PPARA: variants seen among roughly 807,000 people sequenced by gnomAD.
The protein encoded by PPARA is peroxisome proliferator-activated receptor alpha.
A neutral mutation model predicts 42.2 loss-of-function variants in PPARA; 22 were observed. The ratio of observed to expected loss-of-function variants is 0.52; its 90% CI spans 0.37 to 0.74. The LOEUF is 0.74. Among genes scored for constraint, PPARA ranks in the 30% least tolerant of loss-of-function variants. PPARA has a pLI of 0.00. For synonymous variants in PPARA, 242 were observed against 239.3 expected (o/e 1.01, Z -0.10); for missense variants, 465 against 608.2 (o/e 0.76, Z 2.48).
rs961526010 is a variant in PPARA at position 46,196,886 on chromosome 22, C to A, written c.-42-1456C>A. Among the ~76,000 whole-genome samples, 1 of 151,940 alleles carries A rather than the reference C, an allele frequency of 6.6e-6. No individual in the cohort carries two copies. Among genetic ancestry groups the A allele is most frequent in the Non-Finnish European group, 1.5e-5 (1 of 68,004 alleles). Reference sequence around the variant, plus strand: ...TACAGGTGCCTGCCACCATGCCCAGCTAATTTTTGTATTTTTAGTAGAGAC... The same window carrying A: ...TACAGGTGCCTGCCACCATGCCCAGATAATTTTTGTATTTTTAGTAGAGAC... On this transcript the variant is annotated intron_variant, in intron 3 of 8. Coordinates refer to ENST00000407236, the MANE Select transcript of PPARA (RefSeq NM_005036.6). This position sits in a 1 kb window ranked among gnomAD's most constrained non-coding sequence, Gnocchi z 5.6.
chr22:46,205,094 A>G (rs1226296035), intron 4 of PPARA, among the ~76,000 whole-genome samples: 1 of 151,422 alleles, frequency 6.6e-6, no homozygotes, highest in East Asian at 1.9e-4. Context: ...GAACTCCTGG[A>G]CTCAAGCGAC....
intron 3 of PPARA, among the ~76,000 whole-genome samples, chr22:46,194,249 C>A (rs1009292776): frequency 2.0e-5 from 3 of 152,224 alleles, no homozygotes; most frequent in Non-Finnish European, 2.9e-5. Context: ...AGTATTGCCT[C>A]ACTCTATATA....
intron 3 of PPARA, among the ~76,000 whole-genome samples, chr22:46,178,878 G>A (rs561041862): frequency 6.6e-6 from 1 of 152,184 alleles, no homozygotes; most frequent in Non-Finnish European, 1.5e-5. Context: ...TCAGAATCTC[G>A]GGTGTATACA....
intron 7 of PPARA, among the ~76,000 whole-genome samples, chr22:46,226,117 A>G (rs57215608): frequency 0.087 from 13,261 of 151,952 alleles, 1,949 homozygotes; most frequent in African/African-American, 0.3. Context: ...TTATGCACAC[A>G]TGTACCCACA....
In PPARA at chr22:46,165,693, G is replaced by A. The variant is rs1345132552; in HGVS notation, c.-126-11060G>A. 6.6e-6 allele frequency among the ~76,000 whole-genome samples: 1 copy of A among 152,194 alleles called. No individual in the cohort carries two copies. Among genetic ancestry groups the A allele is most frequent in the East Asian group, 1.9e-4 (1 of 5,202 alleles). On this transcript the variant is annotated intron_variant, in intron 2 of 8. Coordinates refer to ENST00000407236, the MANE Select transcript of PPARA (RefSeq NM_005036.6). The surrounding 1 kb of genome is among the most constrained non-coding windows in gnomAD (Gnocchi z 5.5). ...AGGACTGAAGTCCAGTTCTAGCTAC[G>A]CCCAGTCCTTGAGACTGGATTAAGG...
At position 46,196,146 on chromosome 22, in the gene PPARA, G is replaced by C. The variant is rs1256232815; in HGVS notation, c.-42-2196G>C. ...GTTCAGGAGACTGGGCTTCAATCTG[G>C]AGGTCTCAGGAAGTGGTTTAGGATG... On this transcript the variant is annotated intron_variant, in intron 3 of 8. Transcript: ENST00000407236. The surrounding 1 kb of genome is among the most constrained non-coding windows in gnomAD (Gnocchi z 5.6). Among the ~76,000 whole-genome samples, 1 of 152,214 alleles carries C rather than the reference G, an allele frequency of 6.6e-6. No individual in the cohort carries two copies. The highest frequency in any genetic ancestry group is 1.9e-4 in the East Asian group (1 of 5,200).
chr22:46,185,895 C>A (rs551595789), intron 3 of PPARA, among the ~76,000 whole-genome samples: 4,653 of 19,580 alleles, frequency 0.24, 366 homozygotes, highest in African/African-American at 0.3. Context: ...ACTCCGTCTC[C>A]AAAAAAAAAA....
At chr22:46,159,548 C>T (rs527736288) in intron 2 of PPARA, among the ~76,000 whole-genome samples, 10 of 152,262 alleles carry the variant, frequency 6.6e-5, no homozygotes, top group East Asian at 1.9e-4. Context: ...GTTTAGAACG[C>T]GATTTTCATT....
rs149694585 is a variant in PPARA at position 46,231,884 on chromosome 22, G to A, written c.804G>A (p.Ala268=). ...LVANGIQNKE[A]EVRIFHCCQC... ...CCAATGGCATCCAGAACAAGGAGGC[G>A]GAGGTCCGCATCTTTCACTGCTGCC... Residue 268 remains alanine (A), a synonymous_variant, in exon 8 of 9, where the codon GCG becomes GCA. Coordinates refer to ENST00000407236, the MANE Select transcript of PPARA (RefSeq NM_005036.6). This position sits in a 1 kb window ranked among gnomAD's most constrained non-coding sequence, Gnocchi z 7.7. 153 of 1,614,174 alleles carry A rather than the reference G, an allele frequency of 9.5e-5. 1 individual carries two copies. Among genetic ancestry groups the A allele is most frequent in the Middle Eastern group, 6.6e-4 (4 of 6,062 alleles).
rs1267262023 is a variant in PPARA, at chr22:46,180,849, T to TG, written c.-43+4014dup. On this transcript the variant is annotated intron_variant, in intron 3 of 8. Transcript: ENST00000407236. This position sits in a 1 kb window ranked among gnomAD's most constrained non-coding sequence, Gnocchi z 4.2. The stretch of plus-strand genomic sequence containing the variant: ...TGGCAGATTTTCTGTCTCCCTTGCC[T>TG]GTGGAACTGGAGCCCGGGTCGAGGG... 3.9e-5 allele frequency among the ~76,000 whole-genome samples: 6 copies of TG among 152,208 alleles called. No homozygotes were observed. The highest frequency in any genetic ancestry group is 1.4e-4 in the African/African-American group (6 of 41,466).
At chr22:46,228,271 ACGC>A (rs1935609829) in intron 7 of PPARA, among the ~76,000 whole-genome samples, 1 of 152,174 alleles carries the variant, frequency 6.6e-6, no homozygotes, top group Non-Finnish European at 1.5e-5. Context: ...GTGGTGGCTC[ACGC>A]CTGTAATCCC....
chr22:46,211,294 C>G lies in PPARA; in HGVS notation c.209-3879C>G, dbSNP rs550041345. 1.4e-4 allele frequency among the ~76,000 whole-genome samples: 22 copies of G among 152,162 alleles called. No individual in the cohort carries two copies. Among genetic ancestry groups the G allele is most frequent in the Non-Finnish European group, 2.6e-4 (18 of 68,032 alleles). ...CTCCACTTGCCTACCTGTCAATTCA[C>G]CATTCCTTGAGTTCATGGTTCATTT... On this transcript the variant is annotated intron_variant, in intron 4 of 8. Transcript: ENST00000407236. This position sits in a 1 kb window ranked among gnomAD's most constrained non-coding sequence, Gnocchi z 4.1.
intron 7 of PPARA, among the ~76,000 whole-genome samples, chr22:46,226,180 C>T (rs1311268915): frequency 6.6e-6 from 1 of 152,144 alleles, no homozygotes; most frequent in Non-Finnish European, 1.5e-5. Flanking sequence ...TACACATGCT[C>T]ACACGCATAC....
In PPARA at chr22:46,191,377, T is replaced by C. The variant is rs1228908084; in HGVS notation, c.-42-6965T>C. Among the ~76,000 whole-genome samples, 3 of 152,074 alleles carry C rather than the reference T, an allele frequency of 2.0e-5. No individual in the cohort carries two copies. Among genetic ancestry groups the C allele is most frequent in the Non-Finnish European group, 4.4e-5 (3 of 68,016 alleles). The stretch of plus-strand genomic sequence containing the variant: ...AGTGGCAAAACTACTTTACTCTTAA[T>C]ACAAACCACTTCCTTTTATCACAGG... On this transcript the variant is annotated intron_variant, in intron 3 of 8. Transcript: ENST00000407236. This position sits in a 1 kb window ranked among gnomAD's most constrained non-coding sequence, Gnocchi z 4.6.
chr22:46,219,787 C>G lies in PPARA; in HGVS notation c.509-25C>G, dbSNP rs756368391. 5 of 1,613,078 alleles carry G rather than the reference C, an allele frequency of 3.1e-6. No homozygotes were observed. The Admixed American group carries it at 8.3e-5, about 27-fold the overall frequency. ...GCAGTCATGACCTCACTGCTCATGC[C>G]TGTGTTTCCCCCTCCAAACCCTAGC... is the stretch of plus-strand genomic sequence containing the variant. On this transcript the variant is annotated intron_variant, in intron 6 of 8. Coordinates refer to ENST00000407236, the MANE Select transcript of PPARA (RefSeq NM_005036.6). This position sits in a 1 kb window ranked among gnomAD's most constrained non-coding sequence, Gnocchi z 4.8.
In PPARA at chr22:46,161,617, T is replaced by C. The variant is rs557414055; in HGVS notation, c.-127+9647T>C. On this transcript the variant is annotated intron_variant, in intron 2 of 8. Coordinates refer to ENST00000407236, the MANE Select transcript of PPARA (RefSeq NM_005036.6). This position sits in a 1 kb window ranked among gnomAD's most constrained non-coding sequence, Gnocchi z 4.8. Reference sequence around the variant, plus strand: ...AAGTAAATAAATAAATAAATAAAAATTAGAACTCAGAAAAGGAATTAATTT... The same window carrying C: ...AAGTAAATAAATAAATAAATAAAAACTAGAACTCAGAAAAGGAATTAATTT... 5.3e-5 allele frequency among the ~76,000 whole-genome samples: 8 copies of C among 152,088 alleles called. No individual in the cohort carries two copies. In the East Asian group the frequency reaches 1.5e-3, roughly 29 times the overall value.
rs1335050140 is a variant in PPARA, at chr22:46,230,285, C to G, written c.712-1507C>G. Among the ~76,000 whole-genome samples, 1 of 152,070 alleles carries G rather than the reference C, an allele frequency of 6.6e-6. No individual in the cohort carries two copies. The highest frequency in any genetic ancestry group is 1.5e-5 in the Non-Finnish European group (1 of 68,030). On this transcript the variant is annotated intron_variant, in intron 7 of 8. Coordinates refer to ENST00000407236, the MANE Select transcript of PPARA (RefSeq NM_005036.6). The surrounding 1 kb of genome is among the most constrained non-coding windows in gnomAD (Gnocchi z 5.0). The stretch of plus-strand genomic sequence containing the variant: ...ACTCAGAAGGCTGAGGCGGGAGAAT[C>G]GCTTGAACCTGGGAGGCCGAGGTTG...
In PPARA at chr22:46,180,194, CTT is replaced by C. The variant is rs201465094; in HGVS notation, c.-43+3371_-43+3372del. 8.6e-5 allele frequency among the ~76,000 whole-genome samples: 12 copies of C among 140,286 alleles called. No individual in the cohort carries two copies. Among genetic ancestry groups the C allele is most frequent in the Non-Finnish European group, 7.8e-5 (5 of 64,382 alleles). 92.0% of individuals were successfully genotyped at this position (140,286 alleles called of 152,430 possible). ...ACATTGAAAAACAGGTTGGCAGTTGCTTTTTTTTTTTTTTGAGATGGAGTCTT... is the reference window on the plus strand; with the variant it reads ...ACATTGAAAAACAGGTTGGCAGTTGCTTTTTTTTTTTTGAGATGGAGTCTT... On this transcript the variant is annotated intron_variant, in intron 3 of 8. Coordinates refer to ENST00000407236, the MANE Select transcript of PPARA (RefSeq NM_005036.6). The surrounding 1 kb of genome is among the most constrained non-coding windows in gnomAD (Gnocchi z 4.2).
intron 7 of PPARA, among the ~76,000 whole-genome samples, chr22:46,228,531 G>A (rs775085356): frequency 1.2e-4 from 18 of 150,754 alleles, no homozygotes; most frequent in Non-Finnish European, 1.9e-4. Context: ...GCGAGACTCC[G>A]TCTCAAAAAA....
Sources: gnomAD v4.1 joint callset for allele counts (sites outside exome capture counted in the v4.1 genomes callset) on GRCh38, gnomAD v4.1.1 for gene constraint, Gnocchi (gnomAD v3.1) non-coding constraint, MANE v1.5 for transcripts, NCBI Gene and HGNC (gene_info 2026-07-23, HGNC 2026-07-21) for gene names.